Variants in TLN2 observed in about 807,000 individuals in gnomAD.
TLN2 encodes talin-2.
In TLN2, 118 loss-of-function variants were observed where a neutral mutation model predicts 294.7. That is an observed-to-expected ratio of 0.40 (90% CI 0.34 to 0.47). TLN2 has a LOEUF of 0.47. Among genes scored for constraint, TLN2 ranks in the 20% least tolerant of loss-of-function variants. The probability of loss-of-function intolerance (pLI) is 0.84; values close to 1 mark genes in which losing one functional copy is unlikely to be tolerated. For missense variants in TLN2, 3,083 were observed against 3,282.2 expected (o/e 0.94, Z 1.48); for synonymous variants, 1,431 against 1,304.5 (o/e 1.10, Z -2.09).
chr15:62,597,248 A>G (rs184047106), intron 2 of TLN2, among the ~76,000 whole-genome samples: 20 of 152,252 alleles, frequency 1.3e-4, no homozygotes, highest in East Asian at 3.9e-4. Context: ...CTGTTCTTCA[A>G]TCTCACTCAG....
intron 1 of TLN2, among the ~76,000 whole-genome samples, chr15:62,477,282 T>C (rs1015276169): frequency 6.6e-6 from 1 of 152,258 alleles, no homozygotes; most frequent in Non-Finnish European, 1.5e-5. Context: ...CAGGTGATGC[T>C]GCTGCCTTCT....
chr15:62,525,094 A>G (rs1343585449), intron 1 of TLN2, among the ~76,000 whole-genome samples: 2 of 152,172 alleles, frequency 1.3e-5, no homozygotes, highest in Non-Finnish European at 2.9e-5. Flanking sequence ...CCAATTTTAC[A>G]TGGTGACTGT....
At chr15:62,772,323 C>T (rs961477493) in intron 42 of TLN2, among the ~76,000 whole-genome samples, 1 of 152,150 alleles carries the variant, frequency 6.6e-6, no homozygotes, top group Non-Finnish European at 1.5e-5. Flanking sequence ...GAGCCTCATT[C>T]TGGGGATGCT....
intron 51 of TLN2, 52 bp from the exon 52 acceptor site, chr15:62,809,873 C>G: frequency 6.4e-7 from 1 of 1,562,994 alleles, no homozygotes; most frequent in Non-Finnish European, 8.8e-7. Flanking sequence ...CTGGGACTGC[C>G]CAATGCTGGC....
intron 45 of TLN2, chr15:62,784,150 T>A: frequency 1.9e-6 from 1 of 521,456 alleles, no homozygotes; most frequent in Non-Finnish European, 3.3e-6. Context: ...TACAGTGTTC[T>A]ATCAGGTCCC....
At chr15:62,531,940 C>G (rs867669906) in intron 1 of TLN2, among the ~76,000 whole-genome samples, 1 of 152,172 alleles carries the variant, frequency 6.6e-6, no homozygotes, top group African/African-American at 2.4e-5. Flanking sequence ...CTTGTTGTTA[C>G]GTGTGGGTGT....
At chr15:62,568,305 A>G (rs964626611) in intron 1 of TLN2, among the ~76,000 whole-genome samples, 4 of 152,310 alleles carry the variant, frequency 2.6e-5, no homozygotes, top group African/African-American at 9.6e-5. Context: ...TTGACTCTCC[A>G]TCGTGGCCCT....
intron 1 of TLN2, among the ~76,000 whole-genome samples, chr15:62,522,747 A>G (rs1366075747): frequency 6.6e-6 from 1 of 151,874 alleles, no homozygotes; most frequent in Admixed American, 6.6e-5. Flanking sequence ...TGCAGCTGAC[A>G]TTTTGAGGAC....
chr15:62,843,582 G>A lies in TLN2; in HGVS notation c.*2972G>A, dbSNP rs958726156. The A allele has an allele frequency of 6.6e-6, 1 of 152,284 alleles. No individual in the cohort carries two copies. Among genetic ancestry groups the A allele is most frequent in the African/African-American group, 2.4e-5 (1 of 41,460 alleles). The allele number at this position is 152,284 out of a possible 1,614,324, so 9.4% of individuals were successfully genotyped here. On this transcript the variant is annotated 3_prime_UTR_variant, in exon 59 of 59. Transcript: ENST00000636159. ...AGAAATGAGCTGCCTGTAGCCTCAC[G>A]GCATATGCTTTTATCAGGGAAAACC... is the stretch of plus-strand genomic sequence containing the variant.
At chr15:62,484,932 C>T (rs528785660) in intron 1 of TLN2, among the ~76,000 whole-genome samples, 3 of 152,300 alleles carry the variant, frequency 2.0e-5, no homozygotes, top group African/African-American at 4.8e-5. Flanking sequence ...TTACAATTCT[C>T]ACTGGGCTGG....
intron 24 of TLN2, among the ~76,000 whole-genome samples, chr15:62,719,371 C>T (rs1234781409): frequency 6.6e-6 from 1 of 152,218 alleles, no homozygotes. Flanking sequence ...AAGTATTTCC[C>T]TCACCTTCTG....
At chr15:62,466,095 G>T (rs1400879118) in intron 1 of TLN2, among the ~76,000 whole-genome samples, 2 of 152,162 alleles carry the variant, frequency 1.3e-5, no homozygotes, top group African/African-American at 4.8e-5. Context: ...CCTGATCAGG[G>T]GAGGTATGAT....
Position 62,709,921 on chromosome 15 carries a change from G to A in TLN2, c.2467+1125G>A, listed in dbSNP as rs899627452. ...GGCTAATTTTTGTATTTTTAGTAGA[G>A]ATGGGGCTTCACCATGTTGGCCAGG... On this transcript the variant is annotated intron_variant, in intron 21 of 58. Transcript: ENST00000636159. Among the ~76,000 whole-genome samples, 7 of 152,096 alleles carry A rather than the reference G, an allele frequency of 4.6e-5. No homozygotes were observed. The East Asian group carries it at 1.4e-3, about 30-fold the overall frequency.
chr15:62,717,663 C>T lies in TLN2; in HGVS notation c.2851C>T (p.Gln951Ter). ...TGTTTCCAACAAGAACCCTGCGGCC[C>T]AGCAGCAGCTGGTCCAGAGTTGCAA... is the stretch of plus-strand genomic sequence containing the variant. ...AAVSNKNPAA[Q>*]QQLVQSCKAV... is the part of the protein sequence containing the mutation. The change falls in exon 24 of 59, where the codon CAG becomes TAG. Residue 951 changes from glutamine to a stop codon, truncating the protein, a stop_gained. Transcript: ENST00000636159. LOFTEE classifies it high-confidence loss of function. The T allele has an allele frequency of 6.2e-7, 1 of 1,600,050 alleles. No homozygotes were observed. The highest frequency in any genetic ancestry group is 8.5e-7 in the Non-Finnish European group (1 of 1,174,108).
At chr15:62,477,496 G>A (rs1380509929) in intron 1 of TLN2, among the ~76,000 whole-genome samples, 1 of 152,128 alleles carries the variant, frequency 6.6e-6, no homozygotes, top group Non-Finnish European at 1.5e-5. Flanking sequence ...AGGGGAACCT[G>A]TTACCATCAC....
intron 2 of TLN2, among the ~76,000 whole-genome samples, chr15:62,607,544 A>G (rs2047553332): frequency 6.6e-6 from 1 of 152,182 alleles, no homozygotes; most frequent in African/African-American, 2.4e-5. Context: ...GTGTATCATA[A>G]TGGAGTTTAG....
At chr15:62,620,538 G>T (rs867343601) in intron 3 of TLN2, among the ~76,000 whole-genome samples, 11 of 151,100 alleles carry the variant, frequency 7.3e-5, no homozygotes, top group Admixed American at 4.6e-4. Flanking sequence ...GAGCGCAGTG[G>T]CATGAACACA....
chr15:62,434,517 A>G (rs2035190866), intron 1 of TLN2, among the ~76,000 whole-genome samples: 1 of 152,130 alleles, frequency 6.6e-6, no homozygotes, highest in Non-Finnish European at 1.5e-5. Flanking sequence ...AAGTGTGAGT[A>G]CAGCTGTGGG....
chr15:62,809,949 A>G lies in TLN2; in HGVS notation c.6688A>G (p.Ser2230Gly), dbSNP rs2141172639. 2 of 1,614,068 alleles carry G rather than the reference A, an allele frequency of 1.2e-6. No homozygotes were observed. The highest frequency in any genetic ancestry group is 1.6e-4 in the Middle Eastern group (1 of 6,062). The change falls in exon 52 of 59, where the codon AGT (serine) becomes GGT (glycine). Residue 2230 changes from serine to glycine, a missense_variant. Coordinates refer to ENST00000636159, the MANE Select transcript of TLN2 (RefSeq NM_015059.3). Reference protein sequence around the residue: ...CKQASFHPDVSDEVRTRALRF... With the variant: ...CKQASFHPDVGDEVRTRALRF... ...GCAAGCATCCTTCCACCCCGATGTCAGTGACGAGGTGAGAACCAGAGCCTT... is the reference window on the plus strand; with the variant it reads ...GCAAGCATCCTTCCACCCCGATGTCGGTGACGAGGTGAGAACCAGAGCCTT...
Sources: gnomAD v4.1 joint callset for allele counts (sites outside exome capture counted in the v4.1 genomes callset) on GRCh38, gnomAD v4.1.1 for gene constraint, MANE v1.5 for transcripts, NCBI Gene and HGNC (gene_info 2026-07-23, HGNC 2026-07-21) for gene names.